Variants in VPS13B observed in about 807,000 individuals in gnomAD.
VPS13B encodes the protein vacuolar protein sorting 13 homolog B.
In VPS13B, 285 loss-of-function variants were observed where a neutral mutation model predicts 426.4. The observed-to-expected ratio is 0.67, with a 90% CI of 0.61 to 0.74. VPS13B has a LOEUF of 0.74. Among genes scored for constraint, VPS13B ranks in the 30% least tolerant of loss-of-function variants. The pLI, the probability that VPS13B is intolerant of heterozygous loss-of-function variation, is 0.00. For missense variants in VPS13B, 4,537 were observed against 4,782.6 expected, an observed-to-expected ratio of 0.95 and a Z score of 1.51; for synonymous variants, 1,676 against 1,676.4, an observed-to-expected ratio of 1.00 and a Z score of 0.01.
intron 23 of VPS13B, among the ~76,000 whole-genome samples, chr8:99,446,536 T>C (rs1335741224): frequency 6.6e-6 from 1 of 152,190 alleles, no homozygotes; most frequent in East Asian, 1.9e-4. Flanking sequence ...TGTTGGACTT[T>C]TTTGATTTTT....
chr8:99,323,714 C>T (rs1810101202), intron 19 of VPS13B, among the ~76,000 whole-genome samples: 1 of 152,216 alleles, frequency 6.6e-6, no homozygotes. Context: ...ACCAAGTACA[C>T]TTGAAAACAT....
At chr8:99,463,918 C>T (rs1302987915) in intron 23 of VPS13B, among the ~76,000 whole-genome samples, 1 of 152,120 alleles carries the variant, frequency 6.6e-6, no homozygotes, top group Non-Finnish European at 1.5e-5. Context: ...TGGTCTTGAA[C>T]TCTCGACCTC....
chr8:99,048,371 T>C (rs1295607310), intron 3 of VPS13B, among the ~76,000 whole-genome samples: 2 of 152,236 alleles, frequency 1.3e-5, no homozygotes, highest in Admixed American at 1.3e-4. Context: ...GTCCATTTGC[T>C]CCAGGGTATA....
intron 17 of VPS13B, chr8:99,233,115 A>C: frequency 7.4e-7 from 1 of 1,354,790 alleles, no homozygotes; most frequent in South Asian, 1.2e-5. Context: ...CCTCTTGTAC[A>C]GTTTCCCTGA....
intron 39 of VPS13B, among the ~76,000 whole-genome samples, chr8:99,759,952 T>TTTTTC (rs566209938): frequency 3.4e-4 from 52 of 152,152 alleles, no homozygotes; most frequent in African/African-American, 1.2e-3. Context: ...TCTTTTTTTC[T>TTTTTC]TTTTCTTTTC....
At chr8:99,849,992 A>G (rs1347170078) in intron 55 of VPS13B, among the ~76,000 whole-genome samples, 29 of 128,814 alleles carry the variant, frequency 2.3e-4, no homozygotes, top group Non-Finnish European at 3.3e-5. Context: ...TACCTACATA[A>G]GTACGCATGT....
chr8:99,198,563 G>T (rs1274312438), intron 17 of VPS13B, among the ~76,000 whole-genome samples: 1 of 151,982 alleles, frequency 6.6e-6, no homozygotes, highest in Admixed American at 6.6e-5. Flanking sequence ...GTGTTTAAAA[G>T]AATGGTGGCA....
chr8:99,589,353 C>T (rs377152363), intron 33 of VPS13B, among the ~76,000 whole-genome samples: 27 of 151,692 alleles, frequency 1.8e-4, no homozygotes, highest in African/African-American at 5.4e-4. Flanking sequence ...TATCCCTCCC[C>T]GCTCCCCCAA....
intron 12 of VPS13B, among the ~76,000 whole-genome samples, chr8:99,141,414 C>T (rs76149471): frequency 0.02 from 3,080 of 152,210 alleles, 114 homozygotes; most frequent in African/African-American, 0.07. Flanking sequence ...CCCTAAAGGA[C>T]GCATAGCAGG....
At chr8:99,377,991 G>A (rs953889382) in intron 19 of VPS13B, among the ~76,000 whole-genome samples, 1 of 152,196 alleles carries the variant, frequency 6.6e-6, no homozygotes, top group Non-Finnish European at 1.5e-5. Flanking sequence ...GGGTTCAAGA[G>A]GAGAGAACCA....
chr8:99,072,440 G>A (rs1041606874), intron 3 of VPS13B, among the ~76,000 whole-genome samples: 2 of 152,036 alleles, frequency 1.3e-5, no homozygotes, highest in Non-Finnish European at 2.9e-5. Context: ...TGTGGTTGAG[G>A]GCATCCAAGT....
At chr8:99,428,213 G>C (rs934890717) in intron 21 of VPS13B, among the ~76,000 whole-genome samples, 2 of 152,168 alleles carry the variant, frequency 1.3e-5, no homozygotes, top group African/African-American at 4.8e-5. Context: ...GTACCATTCA[G>C]GACATAGGCA....
chr8:99,178,158 T>A (rs75348644), intron 16 of VPS13B, among the ~76,000 whole-genome samples: 41 of 151,454 alleles, frequency 2.7e-4, no homozygotes, highest in Middle Eastern at 3.4e-3. Context: ...TTTTTTATTT[T>A]ATTTTTTTTT....
chr8:99,312,264 C>T (rs1242102936), intron 19 of VPS13B, among the ~76,000 whole-genome samples: 1 of 152,134 alleles, frequency 6.6e-6, no homozygotes, highest in African/African-American at 2.4e-5. Context: ...TTCCTAGCCT[C>T]GATGGTCTTT....
At chr8:99,102,002 T>A (rs1846779722) in intron 4 of VPS13B, among the ~76,000 whole-genome samples, 2 of 152,198 alleles carry the variant, frequency 1.3e-5, no homozygotes, top group South Asian at 4.1e-4. Flanking sequence ...TTCTCCTGGC[T>A]TTTAAAATGC....
intron 56 of VPS13B, among the ~76,000 whole-genome samples, chr8:99,858,685 A>C (rs1208908025): frequency 6.9e-6 from 1 of 144,616 alleles, no homozygotes; most frequent in African/African-American, 2.6e-5. Context: ...ACTCGATCTC[A>C]AAAAAAAAAA....
intron 30 of VPS13B, among the ~76,000 whole-genome samples, chr8:99,540,841 GAATAACTGTACTTTCA>G (rs1452779713): frequency 6.6e-6 from 1 of 151,964 alleles, no homozygotes; most frequent in Non-Finnish European, 1.5e-5. Flanking sequence ...GCCCTATTTC[GAATAACTGTACTTTCA>G]TGTTTTAAAT....
At chr8:99,701,242 T>G (rs1285968874) in intron 36 of VPS13B, among the ~76,000 whole-genome samples, 1 of 152,218 alleles carries the variant, frequency 6.6e-6, no homozygotes, top group Non-Finnish European at 1.5e-5. Context: ...TATGAAATAC[T>G]GGAGACTACA....
intron 42 of VPS13B, among the ~76,000 whole-genome samples, chr8:99,780,983 G>A (rs1431833948): frequency 6.6e-6 from 1 of 152,164 alleles, no homozygotes; most frequent in African/African-American, 2.4e-5. Context: ...ATTGCTGCCA[G>A]TGAAAAATAT....
Sources: allele counts gnomAD v4.1 joint callset (sites outside exome capture counted in the v4.1 genomes callset), GRCh38; gene constraint gnomAD v4.1.1; transcripts MANE v1.5; gene names NCBI Gene and HGNC (gene_info 2026-07-23, HGNC 2026-07-21).